MDGA2: variants seen among roughly 807,000 people sequenced by gnomAD.
MDGA2 encodes the protein MAM domain containing glycosylphosphatidylinositol anchor 2, also known as MAM domain-containing glycosylphosphatidylinositol anchor protein 2.
In MDGA2, 40 loss-of-function variants were observed where a neutral mutation model predicts 117.8. The ratio of observed to expected loss-of-function variants is 0.34; its 90% CI spans 0.26 to 0.44. The LOEUF is 0.44. MDGA2 is among the 20% of genes least tolerant of loss of function. The pLI is 1.00. For missense variants in MDGA2, 1,123 were observed against 1,250.6 expected (o/e 0.90, Z 1.54); for synonymous variants, 452 against 439.0 (o/e 1.03, Z -0.37).
intron 6 of MDGA2, among the ~76,000 whole-genome samples, chr14:47,069,039 C>T (rs1298983716): frequency 1.3e-5 from 2 of 152,264 alleles, no homozygotes; most frequent in East Asian, 1.9e-4. Flanking sequence ...TTCTCTCAGA[C>T]TGAAACTTGT....
At chr14:47,573,910 A>G (rs1234881620) in intron 1 of MDGA2, among the ~76,000 whole-genome samples, 1 of 152,214 alleles carries the variant, frequency 6.6e-6, no homozygotes, top group African/African-American at 2.4e-5. Flanking sequence ...GTAAAACTTC[A>G]AAGTTAATAG....
At chr14:47,429,631 T>C (rs1206581221) in intron 1 of MDGA2, among the ~76,000 whole-genome samples, 2 of 152,138 alleles carry the variant, frequency 1.3e-5, no homozygotes, top group Non-Finnish European at 2.9e-5. Context: ...GTAGACTTGC[T>C]TTTTCATGCA....
chr14:47,448,384 C>A (rs1301902439), intron 1 of MDGA2, among the ~76,000 whole-genome samples: 1 of 152,046 alleles, frequency 6.6e-6, no homozygotes. Context: ...AAGTGACCTG[C>A]CTGTCTTGGC....
chr14:46,996,867 G>C (rs538552323), intron 8 of MDGA2: 2 of 275,964 alleles, frequency 7.2e-6, no homozygotes, highest in Admixed American at 4.4e-5. Context: ...CACATATTCT[G>C]GAAGTAGCCA....
At chr14:47,629,006 C>G (rs1286630432) in intron 1 of MDGA2, among the ~76,000 whole-genome samples, 1 of 152,246 alleles carries the variant, frequency 6.6e-6, no homozygotes, top group African/African-American at 2.4e-5. Flanking sequence ...CACTCAACTC[C>G]TCCCTGTACC....
chr14:47,461,336 G>A (rs1893482947), intron 1 of MDGA2, among the ~76,000 whole-genome samples: 1 of 149,232 alleles, frequency 6.7e-6, no homozygotes, highest in African/African-American at 2.5e-5. Context: ...CAAAACAGTA[G>A]GGTCCAGGCA....
At chr14:47,053,597 A>G (rs866175399) in intron 7 of MDGA2, among the ~76,000 whole-genome samples, 1,400 of 77,344 alleles carry the variant, frequency 0.018, 31 homozygotes, top group African/African-American at 0.062. Flanking sequence ...CCTAGTGTGT[A>G]TGTGTATATA....
chr14:46,849,527 T>A (rs1437826020), intron 15 of MDGA2, among the ~76,000 whole-genome samples: 1 of 151,854 alleles, frequency 6.6e-6, no homozygotes, highest in Non-Finnish European at 1.5e-5. Context: ...TCTGTGTGAG[T>A]TAGATTAGAC....
chr14:47,631,542 A>G (rs73249210), intron 1 of MDGA2, among the ~76,000 whole-genome samples: 4,151 of 152,298 alleles, frequency 0.027, 114 homozygotes, highest in African/African-American at 0.071. Context: ...GTAACGGATG[A>G]CAATATTTCC....
At position 46,840,212 on chromosome 14, in the gene MDGA2, C is replaced by T. The variant is rs1209355087; in HGVS notation, c.*1719G>A. 1 of 152,368 alleles carries T rather than the reference C, an allele frequency of 6.6e-6. No homozygotes were observed. Among genetic ancestry groups the T allele is most frequent in the Admixed American group, 6.6e-5 (1 of 15,222 alleles). 9.4% of individuals were successfully genotyped at this position (152,368 alleles called of 1,614,324 possible). ...TTAAAAAACAAGCTTTGTCATTTTC[C>T]ACTACATTTTGTTGTGCTTTTATAT... On this transcript the variant is annotated 3_prime_UTR_variant, in exon 17 of 17. Transcript: ENST00000399232.
chr14:47,034,316 A>C (rs761571734), intron 8 of MDGA2, among the ~76,000 whole-genome samples: 7 of 152,216 alleles, frequency 4.6e-5, no homozygotes, highest in Non-Finnish European at 1.0e-4. Flanking sequence ...TACATTTTTA[A>C]TTAGAACTAT....
At chr14:47,263,620 A>G (rs1282044900) in intron 2 of MDGA2, among the ~76,000 whole-genome samples, 1 of 152,102 alleles carries the variant, frequency 6.6e-6, no homozygotes, top group Admixed American at 6.6e-5. Flanking sequence ...AAGTTCCAAT[A>G]GATTAATCTG....
intron 4 of MDGA2, among the ~76,000 whole-genome samples, chr14:47,140,982 A>G (rs2139190447): frequency 6.6e-6 from 1 of 152,300 alleles, no homozygotes; most frequent in East Asian, 1.9e-4. Context: ...AAAATGGGCA[A>G]AAGATGTAAA....
intron 8 of MDGA2, among the ~76,000 whole-genome samples, chr14:46,974,115 T>G (rs992020833): frequency 2.6e-5 from 4 of 151,862 alleles, no homozygotes; most frequent in African/African-American, 9.7e-5. Context: ...TATAATAGTA[T>G]CAAAAGTAGT....
chr14:47,250,664 C>T (rs946333900), intron 2 of MDGA2, among the ~76,000 whole-genome samples: 3 of 152,136 alleles, frequency 2.0e-5, no homozygotes, highest in African/African-American at 2.4e-5. Flanking sequence ...TCCCAGCCTC[C>T]GGCACTGTGA....
At chr14:47,168,865 G>T (rs1321529348) in intron 3 of MDGA2, among the ~76,000 whole-genome samples, 1 of 151,948 alleles carries the variant, frequency 6.6e-6, no homozygotes, top group African/African-American at 2.4e-5. Context: ...TCTTTTGACT[G>T]GGAACTAAAT....
intron 1 of MDGA2, among the ~76,000 whole-genome samples, chr14:47,561,171 G>T (rs7494435): frequency 0.17 from 10,819 of 62,822 alleles, 1,507 homozygotes; most frequent in East Asian, 0.46. Context: ...TTGTTTTTTT[G>T]TTTGTTTGTT....
intron 8 of MDGA2, among the ~76,000 whole-genome samples, chr14:47,001,184 C>A (rs887977911): frequency 1.3e-5 from 2 of 151,234 alleles, no homozygotes; most frequent in Non-Finnish European, 3.0e-5. Flanking sequence ...GTTAGGAATA[C>A]AAAATATAAG....
At chr14:47,168,117 C>A (rs1016505269) in intron 3 of MDGA2, among the ~76,000 whole-genome samples, 6 of 151,910 alleles carry the variant, frequency 3.9e-5, no homozygotes, top group African/African-American at 1.4e-4. Context: ...AGGTCTACAT[C>A]TCTTTATTTG....
Sources: allele counts gnomAD v4.1 joint callset (sites outside exome capture counted in the v4.1 genomes callset), GRCh38; gene constraint gnomAD v4.1.1; transcripts MANE v1.5; gene names NCBI Gene and HGNC (gene_info 2026-07-23, HGNC 2026-07-21).